TAC1: variants seen among roughly 807,000 people sequenced by gnomAD.
TAC1 encodes the protein protachykinin-1.
In TAC1, 12 loss-of-function variants were observed where a neutral mutation model predicts 21.7. The observed-to-expected ratio is 0.55, with a 90% CI of 0.35 to 0.89. TAC1 has a LOEUF of 0.89. Among genes scored for constraint, TAC1 ranks in the 40% least tolerant of loss-of-function variants. The pLI is 0.01. For missense variants in TAC1, 128 were observed against 151.4 expected (o/e 0.85, Z 0.81); for synonymous variants, 52 against 52.0 (o/e 1.00, Z 0.00).
intron 4 of TAC1, 146 bp from the exon 5 acceptor site, chr7:97,734,680 C>A: frequency 1.5e-6 from 1 of 649,036 alleles, no homozygotes; most frequent in Non-Finnish European, 2.6e-6. Context: ...ATTTGTTTAG[C>A]ATTTATGGTT....
chr7:97,738,514 T>C (rs761132439), intron 6 of TAC1, among the ~76,000 whole-genome samples: 7 of 152,034 alleles, frequency 4.6e-5, no homozygotes, highest in Non-Finnish European at 8.8e-5. Flanking sequence ...CCATTCATCC[T>C]GTTCCTAATA....
intron 6 of TAC1, among the ~76,000 whole-genome samples, chr7:97,739,016 A>G (rs1004826700): frequency 2.7e-5 from 4 of 150,292 alleles, no homozygotes; most frequent in Admixed American, 2.7e-4. Flanking sequence ...ATAATATAAT[A>G]TACAATTTTG....
At position 97,732,543 on chromosome 7, in the gene TAC1, A is replaced by G. The variant is rs1182036620; in HGVS notation, c.-9-61A>G. 2 of 1,587,186 alleles carry G rather than the reference A, an allele frequency of 1.3e-6. No homozygotes were observed. The highest frequency in any genetic ancestry group is 2.3e-5 in the South Asian group (2 of 87,938). On this transcript the variant is annotated intron_variant, in intron 1 of 6. Coordinates refer to ENST00000319273, the MANE Select transcript of TAC1 (RefSeq NM_003182.3). The surrounding 1 kb of genome is among the most constrained non-coding windows in gnomAD (Gnocchi z 6.2). Reference sequence around the variant, plus strand: ...ATTCTGTTGCTTTAACTCTTGGATAACCACCCCTAATAGATACATTATTTC... The same window carrying G: ...ATTCTGTTGCTTTAACTCTTGGATAGCCACCCCTAATAGATACATTATTTC...
chr7:97,733,398 C>A (rs1190503675), intron 2 of TAC1, among the ~76,000 whole-genome samples: 1 of 152,056 alleles, frequency 6.6e-6, no homozygotes, highest in Non-Finnish European at 1.5e-5. Context: ...AAAGCCGGCA[C>A]CGAGACAAGA....
In TAC1 at chr7:97,732,126, A is replaced by G. The variant is rs1789448954; in HGVS notation, c.-79A>G. Reference sequence around the variant, plus strand: ...CTCCTTCCCGGCGGCAGCTACCGAGAGTGCGGAGCGACCAGCGTGCGCTCG... The same window carrying G: ...CTCCTTCCCGGCGGCAGCTACCGAGGGTGCGGAGCGACCAGCGTGCGCTCG... On this transcript the variant is annotated 5_prime_UTR_variant, in exon 1 of 7. Transcript: ENST00000319273. This position sits in a 1 kb window ranked among gnomAD's most constrained non-coding sequence, Gnocchi z 6.2. The G allele has an allele frequency of 6.6e-6, 1 of 152,648 alleles. No individual in the cohort carries two copies. Among genetic ancestry groups the G allele is most frequent in the African/African-American group, 2.4e-5 (1 of 41,424 alleles). 9.5% of individuals were successfully genotyped at this position (152,648 alleles called of 1,614,324 possible).
chr7:97,734,101 T>G (rs952878758), intron 3 of TAC1, 147 bp from the exon 4 acceptor site: 1 of 794,146 alleles, frequency 1.3e-6, no homozygotes, highest in Admixed American at 2.4e-5. Context: ...GGGGTAGTAC[T>G]GCGGATGATC....
At chr7:97,734,144 C>T in intron 3 of TAC1, 104 bp from the exon 4 acceptor site, 1 of 1,146,860 alleles carries the variant, frequency 8.7e-7, no homozygotes, top group Non-Finnish European at 1.3e-6. Flanking sequence ...TTATAGCATT[C>T]CCTGAGGTGA....
Position 97,736,256 on chromosome 7 carries a change from C to T in TAC1, c.290-43C>T, listed in dbSNP as rs1789571966. ...TTCTGGTTATAATAGTTTGTTTCCT[C>T]AAAGATATACATATTAAAATACCCC... On this transcript the variant is annotated intron_variant, in intron 5 of 6. Coordinates refer to ENST00000319273, the MANE Select transcript of TAC1 (RefSeq NM_003182.3). 6 of 1,529,352 alleles carry T rather than the reference C, an allele frequency of 3.9e-6. No individual in the cohort carries two copies. The East Asian group carries it at 1.4e-4, about 35-fold the overall frequency. 94.7% of individuals were successfully genotyped at this position (1,529,352 alleles called of 1,614,324 possible).
At chr7:97,738,879 A>T (rs1213605889) in intron 6 of TAC1, among the ~76,000 whole-genome samples, 1 of 151,958 alleles carries the variant, frequency 6.6e-6, no homozygotes. Flanking sequence ...CCACTATACC[A>T]TACGTCTAAG....
intron 4 of TAC1, 129 bp downstream of exon 4, chr7:97,734,421 C>A: frequency 2.6e-6 from 2 of 761,278 alleles, no homozygotes; most frequent in East Asian, 5.4e-5. Context: ...GATTTGCGCA[C>A]TCTCTCTCGG....
intron 3 of TAC1, 132 bp downstream of exon 3, chr7:97,733,951 G>A (rs1584416319): frequency 2.1e-6 from 2 of 952,058 alleles, no homozygotes; most frequent in Non-Finnish European, 3.2e-6. Context: ...CCCCAGGCGC[G>A]ACATTGGCCC....
chr7:97,738,273 T>A (rs1789621373), intron 6 of TAC1, among the ~76,000 whole-genome samples: 1 of 151,924 alleles, frequency 6.6e-6, no homozygotes, highest in African/African-American at 2.4e-5. Flanking sequence ...ATCTGATAAA[T>A]CTAGATAGAT....
intron 6 of TAC1, 23 bp from the exon 7 acceptor site, chr7:97,739,851 C>G: frequency 6.3e-7 from 1 of 1,596,016 alleles, no homozygotes. Context: ...TTAAAAAACA[C>G]TTTATCTCTT....
Position 97,737,057 on chromosome 7 carries a change from T to C in TAC1, c.343+705T>C, listed in dbSNP as rs1200672931. ...GGCTGCAGGTTTCCTTCTCTTCAAT[T>C]TCCATCTTCTTTGTAAATACCACGT... On this transcript the variant is annotated intron_variant, in intron 6 of 6. Coordinates refer to ENST00000319273, the MANE Select transcript of TAC1 (RefSeq NM_003182.3). Among the ~76,000 whole-genome samples the C allele has an allele frequency of 2.6e-5, 4 of 152,114 alleles. No homozygotes were observed. In the South Asian group the frequency reaches 6.2e-4, roughly 24 times the overall value.
intron 5 of TAC1, 109 bp from the exon 6 acceptor site, chr7:97,736,190 A>G (rs1317949798): frequency 1.2e-6 from 1 of 811,698 alleles, no homozygotes; most frequent in African/African-American, 1.8e-5. Context: ...TGAAGTAGAT[A>G]GATATTTATT....
chr7:97,739,852 T>G (rs758547718), intron 6 of TAC1, 22 bp from the exon 7 acceptor site: 1 of 1,597,664 alleles, frequency 6.3e-7, no homozygotes, highest in Non-Finnish European at 8.5e-7. Context: ...TAAAAAACAC[T>G]TTATCTCTTC....
chr7:97,732,514 G>C lies in TAC1; in HGVS notation c.-9-90G>C. ...ATCTTGGTTCATCCGTTGTGGGGCA[G>C]AAAATTCTGTTGCTTTAACTCTTGG... is the stretch of plus-strand genomic sequence containing the variant. On this transcript the variant is annotated intron_variant, in intron 1 of 6. Coordinates refer to ENST00000319273, the MANE Select transcript of TAC1 (RefSeq NM_003182.3). This position sits in a 1 kb window ranked among gnomAD's most constrained non-coding sequence, Gnocchi z 6.2. 1 of 1,509,166 alleles carries C rather than the reference G, an allele frequency of 6.6e-7. No homozygotes were observed. The highest frequency in any genetic ancestry group is 2.3e-5 in the East Asian group (1 of 44,184). 93.5% of individuals were successfully genotyped at this position (1,509,166 alleles called of 1,614,324 possible). A position where few individuals can be genotyped will look rare whatever the true frequency, so the allele number is the denominator to read the frequency against.
chr7:97,732,842 G>A lies in TAC1; in HGVS notation c.123+107G>A. ...TAACGTGGCACGCACCGCCACCACG[G>A]AAAGAGGCAGCGGTTGCGTGCGAGA... On this transcript the variant is annotated intron_variant, in intron 2 of 6. Transcript: ENST00000319273. The surrounding 1 kb of genome is among the most constrained non-coding windows in gnomAD (Gnocchi z 6.2). 2 of 1,410,116 alleles carry A rather than the reference G, an allele frequency of 1.4e-6. No individual in the cohort carries two copies. The highest frequency in any genetic ancestry group is 2.7e-5 in the South Asian group (2 of 73,680). 87.4% of individuals were successfully genotyped at this position (1,410,116 alleles called of 1,614,324 possible).
At chr7:97,734,985 G>A in intron 5 of TAC1, 136 bp downstream of exon 5, 2 of 631,388 alleles carry the variant, frequency 3.2e-6, no homozygotes, top group Non-Finnish European at 5.4e-6. Flanking sequence ...TAAGAATGGG[G>A]GAGATTCATA....
Sources: gnomAD v4.1 joint callset for allele counts (sites outside exome capture counted in the v4.1 genomes callset) on GRCh38, gnomAD v4.1.1 for gene constraint, Gnocchi (gnomAD v3.1) non-coding constraint, MANE v1.5 for transcripts, NCBI Gene and HGNC (gene_info 2026-07-23, HGNC 2026-07-21) for gene names.